Variants in ZNF559 observed in about 807,000 individuals in gnomAD.
The protein encoded by ZNF559 is putative protein product of Nbla00121.
A neutral mutation model predicts 14.2 loss-of-function variants in ZNF559; 17 were observed. The observed-to-expected ratio is 1.20, with a 90% CI of 0.82 to 1.80. The LOEUF (loss-of-function observed/expected upper bound fraction) is 1.80, where lower values mean the gene tolerates loss of function less well. Ranked by LOEUF, ZNF559 falls within the 40% of genes most tolerant of loss-of-function variation. The pLI, the probability that ZNF559 is intolerant of heterozygous loss-of-function variation, is 0.00. For missense variants in ZNF559, 740 were observed against 629.7 expected (o/e 1.18, Z -1.88); for synonymous variants, 244 against 212.4 (o/e 1.15, Z -1.29).
Position 9,338,557 on chromosome 19 carries a change from C to T in ZNF559, c.8C>T (p.Ala3Val), listed in dbSNP as rs1387304604. 3.1e-6 allele frequency: 5 copies of T among 1,613,856 alleles called. No homozygotes were observed. Among genetic ancestry groups the T allele is most frequent in the Non-Finnish European group, 4.2e-6 (5 of 1,179,836 alleles). Residue 3 changes from alanine to valine, a missense_variant, in exon 4 of 7, where the codon GCT (alanine) becomes GTT (valine). By Grantham distance (64) the Ala-to-Val change is moderately conservative. Coordinates refer to ENST00000603380, the MANE Select transcript of ZNF559 (RefSeq NM_032497.3). ...AAATTTGAAGAGGAAAGGATGGTGGCTGGGTGGTTGACAAATTACTCTCAG... is the reference window on the plus strand; with the variant it reads ...AAATTTGAAGAGGAAAGGATGGTGGTTGGGTGGTTGACAAATTACTCTCAG... MV[A>V]GWLTNYSQDS...
intron 1 of ZNF559, 37 bp downstream of exon 1, chr19:9,324,265 C>G: frequency 2.0e-6 from 3 of 1,536,062 alleles, no homozygotes; most frequent in Non-Finnish European, 2.6e-6. Context: ...CGGTGGTGTC[C>G]CGGTGCAGCC....
At chr19:9,341,437 C>T (rs1289052963) in intron 6 of ZNF559, 3 of 777,866 alleles carry the variant, frequency 3.9e-6, no homozygotes, top group East Asian at 5.3e-5. Context: ...AAATAATTCA[C>T]TCTTGGGCCG....
chr19:9,340,818 G>A (rs923996278), intron 5 of ZNF559, among the ~76,000 whole-genome samples: 2 of 146,528 alleles, frequency 1.4e-5, no homozygotes, highest in African/African-American at 5.1e-5. Flanking sequence ...TGATCCACCT[G>A]TCTTGGCCTC....
At chr19:9,328,992 CAG>C (rs2066791436) in intron 2 of ZNF559, among the ~76,000 whole-genome samples, 1 of 152,124 alleles carries the variant, frequency 6.6e-6, no homozygotes, top group Non-Finnish European at 1.5e-5. Context: ...CAAAGTTTCA[CAG>C]TGTGTAAAAA....
chr19:9,330,454 C>A lies in ZNF559; in HGVS notation c.-120+5674C>A, dbSNP rs192037909. Among the ~76,000 whole-genome samples the A allele has an allele frequency of 1.8e-4, 27 of 152,224 alleles. No homozygotes were observed. In the East Asian group the frequency reaches 5.2e-3, roughly 29 times the overall value. On this transcript the variant is annotated intron_variant, in intron 2 of 6. Coordinates refer to ENST00000603380, the MANE Select transcript of ZNF559 (RefSeq NM_032497.3). ...CTGTAACTTCTTTAATGTTTCTGTT[C>A]ACTTGGCAGAGTTCCACAGGTTCTT...
At chr19:9,337,985 A>G (rs1300971569) in intron 3 of ZNF559, 127 bp downstream of exon 3, 1 of 1,534,858 alleles carries the variant, frequency 6.5e-7, no homozygotes, top group African/African-American at 1.4e-5. Context: ...TGTTAGACTC[A>G]CAGGATGCTG....
rs768323514 is a variant in ZNF559 at position 9,343,809 on chromosome 19, TTA to T, written c.*747_*748del. On this transcript the variant is annotated 3_prime_UTR_variant, in exon 7 of 7. Coordinates refer to ENST00000603380, the MANE Select transcript of ZNF559 (RefSeq NM_032497.3). Reference sequence around the variant, plus strand: ...GGTAAATATACATGTTTTAAAGAGGTTATATATCATTAATAAAAATATCTAGC... The same window carrying T: ...GGTAAATATACATGTTTTAAAGAGGTTATATCATTAATAAAAATATCTAGC... 193 of 984,266 alleles carry T rather than the reference TTA, an allele frequency of 2.0e-4. 1 individual carries two copies. Among genetic ancestry groups the T allele is most frequent in the Non-Finnish European group, 2.3e-4 (187 of 829,036 alleles). The allele number at this position is 984,266 out of a possible 1,614,324, so 61.0% of individuals were successfully genotyped here.
chr19:9,332,797 ATCT>A (rs1377266199), intron 2 of ZNF559, among the ~76,000 whole-genome samples: 1 of 152,152 alleles, frequency 6.6e-6, no homozygotes, highest in Non-Finnish European at 1.5e-5. Context: ...AATCATGGGT[ATCT>A]TCTTTCTTAG....
rs779125959 is a variant in ZNF559 at position 9,342,294 on chromosome 19, C to A, written c.843C>A (p.Ser281=). The A allele has an allele frequency of 1.3e-6, 2 of 1,588,476 alleles. No individual in the cohort carries two copies. Among genetic ancestry groups the A allele is most frequent in the Middle Eastern group, 1.7e-4 (1 of 5,884 alleles). ...AATTTGGCAAAGCCTTTGCTTTTTC[C>A]CCAGATCTTGCTAAACATATAAGAC... The part of the protein sequence containing the change: ...HKKFGKAFAF[S]PDLAKHIRLR... Residue 281 remains serine (S), a synonymous_variant, in exon 7 of 7, where the codon TCC becomes TCA. Coordinates refer to ENST00000603380, the MANE Select transcript of ZNF559 (RefSeq NM_032497.3).
Position 9,342,249 on chromosome 19 carries a change from G to A in ZNF559, c.798G>A (p.Val266=), listed in dbSNP as rs1304648245. The A allele has an allele frequency of 1.3e-6, 2 of 1,585,182 alleles. No individual in the cohort carries two copies. The highest frequency in any genetic ancestry group is 1.9e-5 in the Admixed American group (1 of 53,162). ...LTQHLRTHSR[V]LPIEHKKFGK... The stretch of plus-strand genomic sequence containing the variant: ...AACATTTAAGAACTCATAGTAGAGT[G>A]TTACCTATAGAACATAAGAAATTTG... The change falls in exon 7 of 7, where the codon GTG becomes GTA. Residue 266 remains valine, a synonymous_variant. Transcript: ENST00000603380.
Position 9,324,237 on chromosome 19 carries a change from T to A in ZNF559, c.-206+9T>A, listed in dbSNP as rs1385108001. On this transcript the variant is annotated intron_variant, in intron 1 of 6. Transcript: ENST00000603380. Reference sequence around the variant, plus strand: ...TCCCGTTGGCGTCTGAGGTAAGTTTTTGTTTCTGGGCGGCGTTCGGTGGTG... The same window carrying A: ...TCCCGTTGGCGTCTGAGGTAAGTTTATGTTTCTGGGCGGCGTTCGGTGGTG... The A allele has an allele frequency of 6.5e-7, 1 of 1,535,968 alleles. No homozygotes were observed. Among genetic ancestry groups the A allele is most frequent in the African/African-American group, 1.4e-5 (1 of 73,054 alleles).
At chr19:9,333,117 A>T (rs2067025623) in intron 2 of ZNF559, 1 of 152,106 alleles carries the variant, frequency 6.6e-6, no homozygotes, top group East Asian at 1.9e-4. Context: ...AGTATAGGTG[A>T]GTGCTACCAT....
chr19:9,330,692 C>G (rs1236225294), intron 2 of ZNF559, among the ~76,000 whole-genome samples: 2 of 152,142 alleles, frequency 1.3e-5, no homozygotes, highest in African/African-American at 4.8e-5. Context: ...TCACTTCATT[C>G]ATGTATTATT....
chr19:9,329,792 T>C (rs1339347167), intron 2 of ZNF559, among the ~76,000 whole-genome samples: 1 of 152,140 alleles, frequency 6.6e-6, no homozygotes, highest in Non-Finnish European at 1.5e-5. Flanking sequence ...GCCTCCTGAG[T>C]AGCTGGAACT....
Position 9,343,551 on chromosome 19 carries a change from A to G in ZNF559, c.*483A>G. On this transcript the variant is annotated 3_prime_UTR_variant, in exon 7 of 7. Transcript: ENST00000603380. ...TGATCTCACAAGTGTGAAAAATCTT[A>G]TGAATGTAAAATGTGTGGAGATTCT... 1.0e-6 allele frequency: 1 copy of G among 992,422 alleles called. No homozygotes were observed. Among genetic ancestry groups the G allele is most frequent in the Non-Finnish European group, 1.2e-6 (1 of 833,440 alleles). 61.5% of individuals were successfully genotyped at this position (992,422 alleles called of 1,614,324 possible).
In ZNF559 at chr19:9,340,879, C is replaced by T. The variant is rs566634763; in HGVS notation, c.161-223C>T. On this transcript the variant is annotated intron_variant, in intron 5 of 6. Coordinates refer to ENST00000603380, the MANE Select transcript of ZNF559 (RefSeq NM_032497.3). The stretch of plus-strand genomic sequence containing the variant: ...AGCCACCACACCCAGCCTAGAGAAC[C>T]GTTTCTTAGTGAATCACCTACCAAC... Among the ~76,000 whole-genome samples, 17 of 151,942 alleles carry T rather than the reference C, an allele frequency of 1.1e-4. No individual in the cohort carries two copies. In the East Asian group the frequency reaches 2.5e-3, roughly 22 times the overall value.
chr19:9,342,667 G>A lies in ZNF559; in HGVS notation c.1216G>A (p.Val406Ile), dbSNP rs761826280. Residue 406 changes from valine to isoleucine, a missense_variant, in exon 7 of 7, where the codon GTA becomes ATA. Physicochemically the swap from Val to Ile is conservative, Grantham distance 29. Coordinates refer to ENST00000603380, the MANE Select transcript of ZNF559 (RefSeq NM_032497.3). ...FKSHMQTHPG[V>I]KPYDCQQCGK... is the part of the protein sequence containing the mutation. Reference sequence around the variant, plus strand: ...AAGTCACATGCAGACTCATCCTGGTGTAAAACCCTATGACTGTCAACAGTG... The same window carrying A: ...AAGTCACATGCAGACTCATCCTGGTATAAAACCCTATGACTGTCAACAGTG... 12 of 1,614,164 alleles carry A rather than the reference G, an allele frequency of 7.4e-6. No homozygotes were observed. Among genetic ancestry groups the A allele is most frequent in the South Asian group, 3.3e-5 (3 of 91,082 alleles).
chr19:9,337,157 T>TA (rs2067283653), intron 2 of ZNF559, among the ~76,000 whole-genome samples: 2 of 152,186 alleles, frequency 1.3e-5, no homozygotes, highest in Non-Finnish European at 2.9e-5. Context: ...GTTAGTCCCG[T>TA]AGGCATACAG....
chr19:9,341,186 TAA>T lies in ZNF559; in HGVS notation c.243+3_243+4del. ...AAAACATCCAGTGTGGTGGAAATGG[TAA>T]GATTCAGAAGGTATAATTTATTGTC... On this transcript the variant is annotated splice_donor_region_variant and intron_variant, in intron 6 of 6. Transcript: ENST00000603380. 1 of 1,613,524 alleles carries T rather than the reference TAA, an allele frequency of 6.2e-7. No individual in the cohort carries two copies. The highest frequency in any genetic ancestry group is 1.1e-5 in the South Asian group (1 of 91,054).
Sources: gnomAD v4.1 joint callset for allele counts (sites outside exome capture counted in the v4.1 genomes callset) on GRCh38, gnomAD v4.1.1 for gene constraint, MANE v1.5 for transcripts, NCBI Gene and HGNC (gene_info 2026-07-23, HGNC 2026-07-21) for gene names.